KSR2: variants seen among roughly 807,000 people sequenced by gnomAD.
The protein encoded by KSR2 is kinase suppressor of ras 2.
A neutral mutation model predicts 107.8 loss-of-function variants in KSR2; 25 were observed. The observed-to-expected ratio is 0.23, with a 90% CI of 0.17 to 0.32. KSR2 has a LOEUF of 0.32. Ranked by LOEUF, KSR2 falls within the 10% of genes least tolerant of loss-of-function variation. The pLI, the probability that KSR2 is intolerant of heterozygous loss-of-function variation, is 1.00. For missense variants in KSR2, 887 were observed against 1,268.9 expected (o/e 0.70, Z 4.57); for synonymous variants, 480 against 507.0 (o/e 0.95, Z 0.71).
chr12:117,827,270 A>C (rs937305140), intron 3 of KSR2, among the ~76,000 whole-genome samples: 1 of 152,164 alleles, frequency 6.6e-6, no homozygotes, highest in African/African-American at 2.4e-5. Context: ...CATTAAACCA[A>C]ATGCAGCCAG....
chr12:117,745,136 A>G (rs1888361121), intron 4 of KSR2, among the ~76,000 whole-genome samples: 1 of 152,042 alleles, frequency 6.6e-6, no homozygotes, highest in Admixed American at 6.6e-5. Context: ...CTGGTTCCAG[A>G]GCCCCTGCCC....
intron 1 of KSR2, among the ~76,000 whole-genome samples, chr12:117,910,891 C>CCA (rs1405859006): frequency 6.6e-6 from 1 of 152,154 alleles, no homozygotes; most frequent in Non-Finnish European, 1.5e-5. Context: ...CTCACAAAGA[C>CCA]CACAGTTCGG....
At chr12:117,937,118 T>C (rs1895870549) in intron 1 of KSR2, among the ~76,000 whole-genome samples, 1 of 152,226 alleles carries the variant, frequency 6.6e-6, no homozygotes, top group African/African-American at 2.4e-5. Context: ...ATTATACACA[T>C]ATGACTAAAT....
intron 12 of KSR2, 62 bp downstream of exon 12, chr12:117,530,879 T>G (rs1399407441): frequency 1.4e-6 from 2 of 1,410,998 alleles, no homozygotes; most frequent in African/African-American, 1.4e-5. Context: ...GGAACCTGAG[T>G]GGATTGTAGG....
At chr12:117,951,218 G>C (rs1451763038) in intron 1 of KSR2, among the ~76,000 whole-genome samples, 2 of 152,118 alleles carry the variant, frequency 1.3e-5, no homozygotes, top group Non-Finnish European at 2.9e-5. Context: ...GCAACCAGTG[G>C]TTCTTCTAAG....
chr12:117,503,615 A>G (rs574547389), intron 14 of KSR2, among the ~76,000 whole-genome samples: 28 of 152,306 alleles, frequency 1.8e-4, no homozygotes, highest in African/African-American at 4.8e-5. Flanking sequence ...CCAACTTTAC[A>G]TGAGTGAGAA....
Position 117,702,203 on chromosome 12 carries a change from C to G in KSR2, c.987-34545G>C, listed in dbSNP as rs564912519. Among the ~76,000 whole-genome samples, 9 of 152,308 alleles carry G rather than the reference C, an allele frequency of 5.9e-5. No individual in the cohort carries two copies. The South Asian group carries it at 1.7e-3, about 28-fold the overall frequency. ...CTCCTTCCCCTCAGTAAGCCTCCCC[C>G]AATGTCACTGGGCCAACATGATTCC... On this transcript the variant is annotated intron_variant, in intron 4 of 19. Transcript: ENST00000339824.
rs1410441935 is a variant in KSR2 at position 117,539,861 on chromosome 12, T to C, written c.1545A>G (p.Pro515=). ...TGGAGGAGGGGTTGCTGCTGGAGTC[T>C]GGCTGGTAAGGGACAGGGATGTGGT... ...NKDHIPVPYQ[P]DSSSNPSSTT... is the part of the protein sequence containing the mutation. The change falls in exon 10 of 20, where the codon CCA becomes CCG. Residue 515 remains proline (P), a synonymous_variant. Coordinates refer to ENST00000339824, the MANE Select transcript of KSR2 (RefSeq NM_173598.6). 6.2e-7 allele frequency: 1 copy of C among 1,610,334 alleles called. No individual in the cohort carries two copies. The highest frequency in any genetic ancestry group is 2.2e-5 in the East Asian group (1 of 44,516).
At chr12:117,937,305 G>A (rs1353873547) in intron 1 of KSR2, among the ~76,000 whole-genome samples, 1 of 152,102 alleles carries the variant, frequency 6.6e-6, no homozygotes, top group Non-Finnish European at 1.5e-5. Context: ...CAAAGCAGGA[G>A]ATTTCAAATG....
intron 13 of KSR2, 45 bp downstream of exon 13, chr12:117,527,025 TG>T (rs1415353904): frequency 1.3e-6 from 2 of 1,581,300 alleles, no homozygotes; most frequent in Admixed American, 3.3e-5. Flanking sequence ...TGCCAAGTTC[TG>T]GGCAGTCCCT....
chr12:117,884,875 T>C (rs1303844105), intron 1 of KSR2, among the ~76,000 whole-genome samples: 3 of 152,160 alleles, frequency 2.0e-5, no homozygotes, highest in African/African-American at 7.2e-5. Context: ...TCCTCTTTAC[T>C]TTAAACCTCA....
intron 1 of KSR2, among the ~76,000 whole-genome samples, chr12:117,962,504 G>A (rs1896688416): frequency 1.3e-5 from 2 of 151,224 alleles, no homozygotes; most frequent in Admixed American, 6.6e-5. Flanking sequence ...GAGTGCAATG[G>A]TGCCATCTTG....
chr12:117,783,520 T>A (rs2136951123), intron 3 of KSR2, among the ~76,000 whole-genome samples: 1 of 152,336 alleles, frequency 6.6e-6, no homozygotes, highest in Non-Finnish European at 1.5e-5. Context: ...GTTTTGGCTC[T>A]GGCCATGATA....
At chr12:117,906,992 C>G (rs1199392839) in intron 1 of KSR2, among the ~76,000 whole-genome samples, 1 of 152,162 alleles carries the variant, frequency 6.6e-6, no homozygotes, top group East Asian at 1.9e-4. Flanking sequence ...TGCACTCCAG[C>G]CTGGGTGACA....
At position 117,485,684 on chromosome 12, in the gene KSR2, T is replaced by G; in HGVS notation, c.2227A>C (p.Lys743Gln). The G allele has an allele frequency of 6.2e-7, 1 of 1,612,382 alleles. No homozygotes were observed. The highest frequency in any genetic ancestry group is 8.5e-7 in the Non-Finnish European group (1 of 1,178,606). ...ACAACGGAATAGAGCGTCCGTCCCT[T>G]ACAGAGGCTGAAAAGCAAAAGGACA... ...PHLAIITSLC[K>Q]GRTLYSVVRD... The change falls in exon 15 of 20, where the codon AAG becomes CAG. Residue 743 changes from lysine (K) to glutamine (Q), a missense_variant. This residue lies in a region of KSR2 where 308 missense variants were observed against 506.2 expected (regional missense o/e 0.61). Coordinates refer to ENST00000339824, the MANE Select transcript of KSR2 (RefSeq NM_173598.6).
intron 4 of KSR2, among the ~76,000 whole-genome samples, chr12:117,743,723 G>A (rs1888305060): frequency 1.3e-5 from 2 of 152,162 alleles, no homozygotes; most frequent in Admixed American, 6.5e-5. Context: ...CCTATGCCCT[G>A]AACTTTTACA....
chr12:117,509,286 T>A (rs1873891334), intron 14 of KSR2, among the ~76,000 whole-genome samples: 1 of 152,098 alleles, frequency 6.6e-6, no homozygotes, highest in East Asian at 1.9e-4. Context: ...CCTTCCCTCT[T>A]TGCATTCAGC....
chr12:117,897,002 T>G lies in KSR2; in HGVS notation c.181-36571A>C, dbSNP rs757640982. Among the ~76,000 whole-genome samples, 2 of 152,144 alleles carry G rather than the reference T, an allele frequency of 1.3e-5. No individual in the cohort carries two copies. The highest frequency in any genetic ancestry group is 6.5e-5 in the Admixed American group (1 of 15,268). ...GAAAAGCCTGACAAGACAGGTGCTG[T>G]GCCAAGCAGGGCAGTGATACTTCAT... is the stretch of plus-strand genomic sequence containing the variant. On this transcript the variant is annotated intron_variant, in intron 1 of 19. Coordinates refer to ENST00000339824, the MANE Select transcript of KSR2 (RefSeq NM_173598.6). This position sits in a 1 kb window ranked among gnomAD's most constrained non-coding sequence, Gnocchi z 4.5.
chr12:117,817,269 T>C (rs1891405518), intron 3 of KSR2, among the ~76,000 whole-genome samples: 4 of 152,184 alleles, frequency 2.6e-5, no homozygotes, highest in Admixed American at 2.6e-4. Flanking sequence ...CTACTGTCTA[T>C]TTGCATCTGA....
Sources: gnomAD v4.1 joint callset for allele counts (sites outside exome capture counted in the v4.1 genomes callset) on GRCh38, gnomAD v4.1.1 for gene constraint, gnomAD v4.1.1 regional missense constraint, Gnocchi (gnomAD v3.1) non-coding constraint, MANE v1.5 for transcripts, NCBI Gene and HGNC (gene_info 2026-07-23, HGNC 2026-07-21) for gene names.